TLE3: variants seen among roughly 807,000 people sequenced by gnomAD.
TLE3 encodes transducin-like enhancer protein 3.
A neutral mutation model predicts 93.0 loss-of-function variants in TLE3; 14 were observed. The ratio of observed to expected loss-of-function variants is 0.15; its 90% CI spans 0.10 to 0.24. The LOEUF is 0.24. TLE3 is among the 10% of genes least tolerant of loss of function. The pLI is 1.00. For synonymous variants in TLE3, 451 were observed against 425.0 expected (o/e 1.06, Z -0.75); for missense variants, 693 against 1,046.6 (o/e 0.66, Z 4.66).
At chr15:70,062,015 G>A (rs992198574) in intron 8 of TLE3, among the ~76,000 whole-genome samples, 1 of 152,218 alleles carries the variant, frequency 6.6e-6, no homozygotes, top group Non-Finnish European at 1.5e-5. Context: ...CACTTGGAGG[G>A]AACGGGGCTG....
intron 16 of TLE3, 158 bp from the exon 17 acceptor site, chr15:70,053,532 G>A (rs3743312): frequency 0.23 from 186,630 of 813,100 alleles, 22,800 homozygotes; most frequent in East Asian, 0.32. Context: ...AGCTAGCCCC[G>A]GCCTCTTTCC....
At chr15:70,089,470 G>A (rs629670) in intron 4 of TLE3, among the ~76,000 whole-genome samples, 1 of 152,114 alleles carries the variant, frequency 6.6e-6, no homozygotes, top group Non-Finnish European at 1.5e-5. Flanking sequence ...CTGGGCCATA[G>A]GAGGAAGCCT....
intron 3 of TLE3, 105 bp downstream of exon 3, chr15:70,095,473 G>A: frequency 6.5e-7 from 1 of 1,545,528 alleles, no homozygotes; most frequent in South Asian, 1.2e-5. Flanking sequence ...CCGCCCTGCG[G>A]CTGGGCGGTG....
intron 18 of TLE3, among the ~76,000 whole-genome samples, chr15:70,051,952 C>A (rs548983148): frequency 1.3e-5 from 2 of 152,274 alleles, no homozygotes; most frequent in East Asian, 3.9e-4. Context: ...CTATTCCCGA[C>A]CAGAGAGAAA....
At chr15:70,059,563 C>T in intron 9 of TLE3, 103 bp from the exon 10 acceptor site, 1 of 1,102,342 alleles carries the variant, frequency 9.1e-7, no homozygotes, top group South Asian at 1.5e-5. Context: ...GGACCTGAAG[C>T]CAGGCCAAAC....
intron 4 of TLE3, among the ~76,000 whole-genome samples, chr15:70,089,318 C>T (rs1012330065): frequency 6.6e-6 from 1 of 152,210 alleles, no homozygotes; most frequent in Non-Finnish European, 1.5e-5. Flanking sequence ...CTTCTTTAGA[C>T]ATCCGACTCC....
chr15:70,059,578 A>C, intron 9 of TLE3, 118 bp from the exon 10 acceptor site: 3 of 914,690 alleles, frequency 3.3e-6, no homozygotes, highest in Non-Finnish European at 5.0e-6. Context: ...CCAAACCCCA[A>C]AGTCCATGCT....
chr15:70,060,869 C>T (rs1442217449), intron 8 of TLE3: 7 of 633,118 alleles, frequency 1.1e-5, no homozygotes, highest in Admixed American at 2.2e-5. Context: ...GGGCGCATCC[C>T]CAATTCTCTT....
chr15:70,064,390 C>A, intron 8 of TLE3, 64 bp downstream of exon 8: 5 of 1,600,710 alleles, frequency 3.1e-6, no homozygotes, highest in Non-Finnish European at 3.4e-6. Context: ...ATTCTGGGAG[C>A]CCCGAGTCCC....
At chr15:70,080,267 T>A (rs1032829756) in intron 4 of TLE3, among the ~76,000 whole-genome samples, 1 of 152,190 alleles carries the variant, frequency 6.6e-6, no homozygotes, top group African/African-American at 2.4e-5. Context: ...GAGCCAGGTC[T>A]TCAGAAGCGA....
rs1286038959 is a variant in TLE3, at chr15:70,053,224, C to G, written c.1974+3G>C. 1.2e-6 allele frequency: 2 copies of G among 1,608,166 alleles called. No individual in the cohort carries two copies. The highest frequency in any genetic ancestry group is 1.7e-5 in the Admixed American group (1 of 59,344). ...GGGAAGGGAGGAGTCTTGGGCCGCA[C>G]ACCTGGGAAGTGAAGTCATGCTGCT... On this transcript the variant is annotated splice_donor_region_variant and intron_variant, in intron 17 of 19. Coordinates refer to ENST00000451782, the MANE Select transcript of TLE3 (RefSeq NM_001105192.3).
At chr15:70,094,606 A>C in intron 3 of TLE3, 30 bp from the exon 4 acceptor site, 1 of 1,486,476 alleles carries the variant, frequency 6.7e-7, no homozygotes, top group Non-Finnish European at 9.0e-7. Flanking sequence ...CTATTAACAG[A>C]CAACACAGAA....
At chr15:70,085,722 G>C (rs1270622588) in intron 4 of TLE3, among the ~76,000 whole-genome samples, 1 of 152,174 alleles carries the variant, frequency 6.6e-6, no homozygotes, top group East Asian at 1.9e-4. Flanking sequence ...TGCAGGAGAG[G>C]GGCATGTCTT....
rs754325246 is a variant in TLE3, at chr15:70,048,961, T to G, written c.*1136A>C. 1 of 151,802 alleles carries G rather than the reference T, an allele frequency of 6.6e-6. No homozygotes were observed. Among genetic ancestry groups the G allele is most frequent in the Non-Finnish European group, 1.5e-5 (1 of 67,964 alleles). The allele number at this position is 151,802 out of a possible 1,614,324, so 9.4% of individuals were successfully genotyped here. Reference sequence around the variant, plus strand: ...TGTAGGCGGGAAGGGGGAGAAGGCATTTTATAAAAGGACATCACTTCTAAT... The same window carrying G: ...TGTAGGCGGGAAGGGGGAGAAGGCAGTTTATAAAAGGACATCACTTCTAAT... On this transcript the variant is annotated 3_prime_UTR_variant, in exon 20 of 20. Transcript: ENST00000451782.
chr15:70,089,870 G>A (rs942425522), intron 4 of TLE3, among the ~76,000 whole-genome samples: 1 of 152,178 alleles, frequency 6.6e-6, no homozygotes, highest in Non-Finnish European at 1.5e-5. Context: ...AGGTGGGAAG[G>A]AGGAGTTCAA....
intron 6 of TLE3, among the ~76,000 whole-genome samples, chr15:70,069,290 G>A (rs1347988001): frequency 1.3e-5 from 2 of 152,172 alleles, no homozygotes; most frequent in African/African-American, 4.8e-5. Flanking sequence ...GGCCCAATTA[G>A]ACGCAGCTAG....
chr15:70,095,557 A>G (rs1216869558), intron 3 of TLE3, 21 bp downstream of exon 3: 1 of 1,549,772 alleles, frequency 6.5e-7, no homozygotes, highest in Admixed American at 2.0e-5. Context: ...ACCGCCCCCC[A>G]GGCCCGCGGC....
chr15:70,056,683 G>A (rs1455542209), intron 13 of TLE3, among the ~76,000 whole-genome samples: 1 of 152,172 alleles, frequency 6.6e-6, no homozygotes, highest in Non-Finnish European at 1.5e-5. Context: ...TGGAGAGGAG[G>A]CCACCCCAGG....
chr15:70,049,872 G>A lies in TLE3; in HGVS notation c.*225C>T, dbSNP rs1257570502. The stretch of plus-strand genomic sequence containing the variant: ...AACTGCCAGCATTGTTCAGGGGGAG[G>A]AGGAGGAGCAGAACCCTTCCGAGTC... On this transcript the variant is annotated 3_prime_UTR_variant, in exon 20 of 20. Coordinates refer to ENST00000451782, the MANE Select transcript of TLE3 (RefSeq NM_001105192.3). The A allele has an allele frequency of 6.1e-6, 3 of 488,766 alleles. No homozygotes were observed. The highest frequency in any genetic ancestry group is 1.1e-5 in the Non-Finnish European group (3 of 269,014). The allele number at this position is 488,766 out of a possible 1,614,324, so 30.3% of individuals were successfully genotyped here. A position where few individuals can be genotyped will look rare whatever the true frequency, so the allele number is the denominator to read the frequency against.
Sources: allele counts gnomAD v4.1 joint callset (sites outside exome capture counted in the v4.1 genomes callset), GRCh38; gene constraint gnomAD v4.1.1; transcripts MANE v1.5; gene names NCBI Gene and HGNC (gene_info 2026-07-23, HGNC 2026-07-21).